Variants in OR56A3 observed in about 807,000 individuals in gnomAD.
The protein encoded by OR56A3 is olfactory receptor family 56 subfamily A member 3.
OR56A3 carries 23 observed loss-of-function variants against 17.5 expected under a neutral mutation model. The ratio of observed to expected loss-of-function variants is 1.32; its 90% CI spans 0.95 to 1.87. The LOEUF is 1.87. OR56A3 is among the 40% of genes most tolerant of loss of function. OR56A3 has a pLI of 0.00. For synonymous variants in OR56A3, 175 were observed against 150.6 expected, an observed-to-expected ratio of 1.16 and a Z score of -1.19; for missense variants, 366 against 380.1, an observed-to-expected ratio of 0.96 and a Z score of 0.31.
At chr11:6,014,174 T>C in the OR56A3 span, among the ~76,000 whole-genome samples, 1 of 152,282 alleles carries the variant, frequency 6.6e-6, no homozygotes, top group South Asian at 2.1e-4. Flanking sequence ...CAGCAAAGCC[T>C]GAAGTCTTCA....
At chr11:5,967,911 A>C in the OR56A3 span, 3 of 1,592,706 alleles carry the variant, frequency 1.9e-6, no homozygotes, top group Non-Finnish European at 2.6e-6. Flanking sequence ...ATTCAAGGTG[A>C]TGTCATCACA....
the OR56A3 span, among the ~76,000 whole-genome samples, chr11:5,990,654 G>A: frequency 1.3e-5 from 2 of 152,174 alleles, no homozygotes; most frequent in Admixed American, 6.5e-5. Flanking sequence ...GAAACAGTAG[G>A]GGAGGGAGGG....
the OR56A3 span, among the ~76,000 whole-genome samples, chr11:6,009,271 G>A: frequency 0.68 from 103,208 of 151,932 alleles, 35,356 homozygotes; most frequent in East Asian, 0.93. Flanking sequence ...TTTCATACTG[G>A]TTTCTTCTAG....
the OR56A3 span, among the ~76,000 whole-genome samples, chr11:5,962,684 G>A: frequency 2.6e-5 from 4 of 151,946 alleles, no homozygotes; most frequent in East Asian, 3.9e-4. Context: ...GACTACAGGC[G>A]CCTGCCACCG....
the OR56A3 span, chr11:5,994,391 C>T: frequency 1.3e-5 from 9 of 717,180 alleles, no homozygotes; most frequent in Non-Finnish European, 2.3e-5. Context: ...TCTTCCCAGC[C>T]AGCTCGTCGT....
At chr11:5,995,024 T>C in the OR56A3 span, 1 of 647,072 alleles carries the variant, frequency 1.5e-6, no homozygotes, top group South Asian at 1.6e-5. Context: ...AACATGGAGA[T>C]CCGGGAACCT....
the OR56A3 span, among the ~76,000 whole-genome samples, chr11:5,969,356 C>T: frequency 1.3e-5 from 2 of 152,220 alleles, no homozygotes; most frequent in African/African-American, 2.4e-5. Flanking sequence ...TAAATCTCCT[C>T]TTCTCTCAGA....
the OR56A3 span, among the ~76,000 whole-genome samples, chr11:5,984,371 G>T: frequency 6.6e-6 from 1 of 152,186 alleles, no homozygotes; most frequent in Admixed American, 6.5e-5. Flanking sequence ...GTTTAACCCA[G>T]ATACAGGTTT....
At chr11:5,995,604 GT>G in the OR56A3 span, among the ~76,000 whole-genome samples, 33 of 152,210 alleles carry the variant, frequency 2.2e-4, 1 homozygote, top group South Asian at 5.4e-3. Context: ...CTTTTAGTAT[GT>G]TTTTAATTGA....
chr11:5,958,099 T>A, the OR56A3 span, among the ~76,000 whole-genome samples: 633 of 152,308 alleles, frequency 4.2e-3, 4 homozygotes, highest in African/African-American at 0.014. Context: ...TCTGTGAGCA[T>A]CCATCCCTCA....
At chr11:5,960,715 T>C in the OR56A3 span, among the ~76,000 whole-genome samples, 1 of 149,996 alleles carries the variant, frequency 6.7e-6, no homozygotes, top group African/African-American at 2.5e-5. Context: ...TCTGCCTGGC[T>C]GCCCATCGTC....
the OR56A3 span, among the ~76,000 whole-genome samples, chr11:6,015,059 A>G: frequency 6.7e-6 from 1 of 149,404 alleles, no homozygotes; most frequent in Non-Finnish European, 1.5e-5. Context: ...AGCAGAGCAT[A>G]AAAGTTTGAA....
the OR56A3 span, among the ~76,000 whole-genome samples, chr11:5,996,566 T>C: frequency 6.6e-6 from 1 of 152,038 alleles, no homozygotes; most frequent in African/African-American, 2.4e-5. Context: ...AATTTCTAGA[T>C]TCCTCCAAAT....
Position 5,948,052 on chromosome 11 carries a change from G to A in OR56A3, c.706G>A (p.Gly236Ser), listed in dbSNP as rs1237266352. The change falls in exon 3 of 3, where the codon GGT becomes AGT. Residue 236 changes from glycine to serine, a missense_variant. By Grantham distance (56) the Gly-to-Ser change is moderately conservative (BLOSUM62 0). Transcript: ENST00000641160. ...AGCTGTGCTGAGACTCAAGGCAGAGGGTGCCGTGGCAAAGGCCCTAAGCAC... is the reference window on the plus strand; with the variant it reads ...AGCTGTGCTGAGACTCAAGGCAGAGAGTGCCGTGGCAAAGGCCCTAAGCAC... Reference protein sequence around the residue: ...LRAVLRLKAEGAVAKALSTCG... With the variant: ...LRAVLRLKAESAVAKALSTCG... 1.2e-6 allele frequency: 2 copies of A among 1,614,070 alleles called. No homozygotes were observed. Among genetic ancestry groups the A allele is most frequent in the Admixed American group, 3.3e-5 (2 of 60,004 alleles).
the OR56A3 span, chr11:5,994,204 T>G: frequency 3.8e-6 from 2 of 526,692 alleles, no homozygotes; most frequent in South Asian, 1.6e-5. Flanking sequence ...CCTCAGGCTG[T>G]TCTCTAAGCT....
chr11:5,985,985 G>T, the OR56A3 span: 2 of 1,611,996 alleles, frequency 1.2e-6, no homozygotes, highest in Non-Finnish European at 1.7e-6. Flanking sequence ...TGGCGGATCT[G>T]CTGAGTCTTC....
the OR56A3 span, among the ~76,000 whole-genome samples, chr11:5,968,861 T>A: frequency 6.6e-6 from 1 of 152,166 alleles, no homozygotes; most frequent in African/African-American, 2.4e-5. Context: ...CACTCATAAG[T>A]TTACAGAGTA....
At chr11:5,979,956 C>T in the OR56A3 span, among the ~76,000 whole-genome samples, 5 of 152,092 alleles carry the variant, frequency 3.3e-5, no homozygotes, top group Admixed American at 6.6e-5. Flanking sequence ...CCAAATCATT[C>T]AGGAACAGAT....
chr11:5,992,142 C>T, the OR56A3 span, among the ~76,000 whole-genome samples: 1 of 152,212 alleles, frequency 6.6e-6, no homozygotes, highest in Non-Finnish European at 1.5e-5. Flanking sequence ...ACGGAACAAT[C>T]TTGGACCCCA....
Sources: allele counts gnomAD v4.1 joint callset (sites outside exome capture counted in the v4.1 genomes callset), GRCh38; gene constraint gnomAD v4.1.1; transcripts MANE v1.5; gene names NCBI Gene and HGNC (gene_info 2026-07-23, HGNC 2026-07-21).